ZNF560: variants seen among roughly 807,000 people sequenced by gnomAD.
ZNF560 encodes zinc finger protein 560.
ZNF560 carries 54 observed loss-of-function variants against 81.8 expected under a neutral mutation model. The ratio of observed to expected loss-of-function variants is 0.66; its 90% CI spans 0.53 to 0.83. The LOEUF (loss-of-function observed/expected upper bound fraction) is 0.83. Among genes scored for constraint, ZNF560 ranks in the 40% least tolerant of loss-of-function variants. The pLI is 0.00. For synonymous variants in ZNF560, 321 were observed against 317.9 expected, an observed-to-expected ratio of 1.01 and a Z score of -0.10; for missense variants, 940 against 932.4, an observed-to-expected ratio of 1.01 and a Z score of -0.11.
chr19:9,446,407 CAT>C, the ZNF560 span, among the ~76,000 whole-genome samples: 7 of 146,504 alleles, frequency 4.8e-5, no homozygotes, highest in South Asian at 6.4e-4. Flanking sequence ...CACACACACA[CAT>C]AAAATATAGG....
rs201188299 is a variant in ZNF560 at position 9,479,724 on chromosome 19, AAACAAC to A, written c.-56-4361_-56-4356del. ...TCATTATTCCCCAAATAATACAGCA[AAACAAC>A]TATTTACATAGCATTTACTTTAAGT... On this transcript the variant is annotated intron_variant, in intron 2 of 9. Transcript: ENST00000301480. Among the ~76,000 whole-genome samples, 1,395 of 152,342 alleles carry A rather than the reference AAACAAC, an allele frequency of 9.2e-3. 12 individuals are homozygous for A. Among genetic ancestry groups the A allele is most frequent in the Admixed American group, 0.017 (254 of 15,294 alleles).
chr19:9,453,689 T>TA, the ZNF560 span, among the ~76,000 whole-genome samples: 1 of 152,238 alleles, frequency 6.6e-6, no homozygotes, highest in Non-Finnish European at 1.5e-5. Flanking sequence ...CTACAAAATA[T>TA]AAAAATAATT....
At chr19:9,456,203 C>T in the ZNF560 span, among the ~76,000 whole-genome samples, 460 of 152,310 alleles carry the variant, frequency 3.0e-3, 3 homozygotes, top group Non-Finnish European at 5.3e-3. Flanking sequence ...TGCACCAGGG[C>T]TGTGAGTCTC....
Position 9,471,408 on chromosome 19 carries a change from T to G in ZNF560, c.239-30A>C, listed in dbSNP as rs758413248. On this transcript the variant is annotated intron_variant, in intron 5 of 9. Transcript: ENST00000301480. ...AACAAAAACATAAACTGAGGTTTTT[T>G]TTTTTTTTAAAAAAAAAGGTAAAAT... 63 of 1,450,840 alleles carry G rather than the reference T, an allele frequency of 4.3e-5. 1 individual carries two copies. The highest frequency in any genetic ancestry group is 5.7e-5 in the Non-Finnish European group (62 of 1,086,054). 89.9% of individuals were successfully genotyped at this position (1,450,840 alleles called of 1,614,324 possible). A position where few individuals can be genotyped will look rare whatever the true frequency, so the allele number is the denominator to read the frequency against.
chr19:9,477,352 A>C (rs1352769788), intron 2 of ZNF560, among the ~76,000 whole-genome samples: 2 of 152,204 alleles, frequency 1.3e-5, no homozygotes, highest in Non-Finnish European at 2.9e-5. Context: ...AATGCAGTCA[A>C]GTTTGTCCCT....
the ZNF560 span, among the ~76,000 whole-genome samples, chr19:9,504,812 C>A: frequency 5.9e-5 from 9 of 151,972 alleles, no homozygotes; most frequent in African/African-American, 2.2e-4. Flanking sequence ...CTCGGCTGGG[C>A]ACAGTGGCTC....
intron 2 of ZNF560, among the ~76,000 whole-genome samples, chr19:9,489,869 T>C (rs765063201): frequency 1.8e-4 from 28 of 152,164 alleles, no homozygotes; most frequent in Non-Finnish European, 3.7e-4. Flanking sequence ...GGATTACAGG[T>C]GTGAGCCACT....
In ZNF560 at chr19:9,466,581, G is replaced by T; in HGVS notation, c.2366C>A (p.Thr789Lys). 7 of 1,593,922 alleles carry T rather than the reference G, an allele frequency of 4.4e-6. No individual in the cohort carries two copies. The highest frequency in any genetic ancestry group is 6.0e-6 in the Non-Finnish European group (7 of 1,168,328). Residue 789 changes from threonine to lysine, a missense_variant, in exon 10 of 10, where the codon ACA (threonine) becomes AAA (lysine). By Grantham distance (78) the Thr-to-Lys change is moderately conservative. Transcript: ENST00000301480. ...SFSARIAHLK[T>K]H Reference sequence around the variant, plus strand: ...CATCCACAGGGCTTCTCTCTAGTGTGTTTTCAAATGTGCAATACGAGCTGA... The same window carrying T: ...CATCCACAGGGCTTCTCTCTAGTGTTTTTTCAAATGTGCAATACGAGCTGA...
chr19:9,483,352 G>A (rs1353594911), intron 2 of ZNF560, among the ~76,000 whole-genome samples: 9 of 148,224 alleles, frequency 6.1e-5, no homozygotes, highest in South Asian at 2.2e-4. Context: ...CTGCCCAGCC[G>A]CCCCGTCTGA....
At position 9,475,359 on chromosome 19, in the gene ZNF560, C is replaced by T. The variant is rs1428094056; in HGVS notation, c.-46G>A. On this transcript the variant is annotated 5_prime_UTR_variant, in exon 3 of 10. Coordinates refer to ENST00000301480, the MANE Select transcript of ZNF560 (RefSeq NM_152476.3). ...TTTCTTCATGAAGGCAGATTGGGTT[C>T]CTAGAAAGACCTGGAAAAGAAAGAA... 6.3e-7 allele frequency: 1 copy of T among 1,596,808 alleles called. No homozygotes were observed. Among genetic ancestry groups the T allele is most frequent in the African/African-American group, 1.3e-5 (1 of 74,602 alleles).
At chr19:9,488,358 T>C (rs10415281) in intron 2 of ZNF560, among the ~76,000 whole-genome samples, 103,205 of 151,846 alleles carry the variant, frequency 0.68, 36,156 homozygotes, top group African/African-American at 0.85. Flanking sequence ...GTCATAGCAA[T>C]AATAAAGAGA....
At chr19:9,454,640 A>G in the ZNF560 span, among the ~76,000 whole-genome samples, 1 of 152,212 alleles carries the variant, frequency 6.6e-6, no homozygotes, top group African/African-American at 2.4e-5. Flanking sequence ...TGACTTATGC[A>G]GCTTTTTAGT....
chr19:9,466,763 A>C lies in ZNF560; in HGVS notation c.2184T>G (p.Thr728=). The C allele has an allele frequency of 6.2e-7, 1 of 1,614,168 alleles. No homozygotes were observed. The highest frequency in any genetic ancestry group is 8.5e-7 in the Non-Finnish European group (1 of 1,180,012). Reference sequence around the variant, plus strand: ...CTCCAGTGTGAATTCGCACATGATTAGTAAGATCTGAATGACAAGTGAAGG... The same window carrying C: ...CTCCAGTGTGAATTCGCACATGATTCGTAAGATCTGAATGACAAGTGAAGG... The part of the protein sequence containing the change: ...GKAFTCHSDL[T]NHVRIHTGEK... Residue 728 remains threonine (T), a synonymous_variant, in exon 10 of 10, where the codon ACT becomes ACG. Transcript: ENST00000301480.
intron 5 of ZNF560, 121 bp downstream of exon 5, chr19:9,473,058 A>G: frequency 2.4e-6 from 2 of 824,998 alleles, no homozygotes; most frequent in Non-Finnish European, 4.1e-6. Context: ...AAATAAACCT[A>G]TTTTCTTAAT....
At chr19:9,504,249 A>T in the ZNF560 span, among the ~76,000 whole-genome samples, 1 of 152,152 alleles carries the variant, frequency 6.6e-6, no homozygotes, top group African/African-American at 2.4e-5. Context: ...AGCCTTGCCA[A>T]CATGGTGAAA....
chr19:9,463,056 T>C (rs117760150), downstream of ZNF560, among the ~76,000 whole-genome samples: 2,135 of 152,354 alleles, frequency 0.014, 26 homozygotes, highest in Non-Finnish European at 0.023. Flanking sequence ...TTTTACTACT[T>C]CTAGTTATTA....
Position 9,468,227 on chromosome 19 carries a change from G to A in ZNF560, c.720C>T (p.Asn240=), listed in dbSNP as rs368189767. The A allele has an allele frequency of 6.8e-6, 11 of 1,613,998 alleles. No individual in the cohort carries two copies. In the African/African-American group the frequency reaches 1.5e-4, roughly 22 times the overall value. Residue 240 remains asparagine, a synonymous_variant, in exon 10 of 10, where the codon AAC becomes AAT. Coordinates refer to ENST00000301480, the MANE Select transcript of ZNF560 (RefSeq NM_152476.3). ...TTGCATACTGAATACATTCAGACGT[G>A]TTGCCTCTATTTTGAGTACTCATGT... ...KTNMSTQNRG[N]TSECIQYAKD...
the ZNF560 span, among the ~76,000 whole-genome samples, chr19:9,460,277 C>G: frequency 6.6e-6 from 1 of 152,282 alleles, no homozygotes; most frequent in Admixed American, 6.5e-5. Context: ...TACCTGGGGA[C>G]AGATCAAGAA....
intron 2 of ZNF560, among the ~76,000 whole-genome samples, chr19:9,493,405 C>T (rs1208617770): frequency 3.3e-5 from 5 of 152,224 alleles, no homozygotes; most frequent in Admixed American, 2.0e-4. Flanking sequence ...CACTCTGTTG[C>T]CCAGGCAGGA....
Sources: gnomAD v4.1 joint callset for allele counts (sites outside exome capture counted in the v4.1 genomes callset) on GRCh38, gnomAD v4.1.1 for gene constraint, MANE v1.5 for transcripts, NCBI Gene and HGNC (gene_info 2026-07-23, HGNC 2026-07-21) for gene names.